DSCAM: variants seen among roughly 807,000 people sequenced by gnomAD.
The protein encoded by DSCAM is DS cell adhesion molecule, also known as cell adhesion molecule DSCAM.
DSCAM carries 47 observed loss-of-function variants against 217.7 expected under a neutral mutation model. That is an observed-to-expected ratio of 0.22 (90% CI 0.17 to 0.28). The LOEUF (loss-of-function observed/expected upper bound fraction) is 0.28. Ranked by LOEUF, DSCAM falls within the 10% of genes least tolerant of loss-of-function variation. DSCAM has a pLI of 1.00. For missense variants in DSCAM, 2,080 were observed against 2,618.3 expected, an observed-to-expected ratio of 0.79 and a Z score of 4.49; for synonymous variants, 1,056 against 1,015.3, an observed-to-expected ratio of 1.04 and a Z score of -0.76.
In DSCAM at chr21:40,782,044, G is replaced by A. The variant is rs558563947; in HGVS notation, c.43+64575C>T. Among the ~76,000 whole-genome samples the A allele has an allele frequency of 1.6e-3, 247 of 150,606 alleles. 1 individual carries two copies. Among genetic ancestry groups the A allele is most frequent in the African/African-American group, 5.5e-3 (227 of 41,136 alleles). ...AAATTAGCCAGGCGCAATGGCGGGC[G>A]CCTGCAGTACCAACTACTCGGGAGG... is the stretch of plus-strand genomic sequence containing the variant. On this transcript the variant is annotated intron_variant, in intron 1 of 32. Transcript: ENST00000400454.
At chr21:40,028,606 G>A (rs551382202) in intron 32 of DSCAM, among the ~76,000 whole-genome samples, 14 of 152,186 alleles carry the variant, frequency 9.2e-5, no homozygotes, top group Non-Finnish European at 1.9e-4. Flanking sequence ...GGAGTGACCC[G>A]ATTTTCCAGG....
intron 10 of DSCAM, among the ~76,000 whole-genome samples, chr21:40,285,081 T>C (rs929929578): frequency 2.6e-5 from 4 of 152,202 alleles, no homozygotes; most frequent in African/African-American, 9.6e-5. Flanking sequence ...CCAGAGGGAA[T>C]TGGCCCTTCA....
At position 40,189,097 on chromosome 21, in the gene DSCAM, G is replaced by GTCCA; in HGVS notation, c.2497_2498insTGGA (p.Ala833ValfsTer38). 6.2e-7 allele frequency: 1 copy of GTCCA among 1,614,118 alleles called. No individual in the cohort carries two copies. The stretch of plus-strand genomic sequence containing the variant: ...CTCCTTGGTGGACACAAGATAACGG[G>GTCCA]CCATCTCAGGGTTAATGATTCGGTC... On this transcript the variant is annotated frameshift_variant, in exon 12 of 33. Transcript: ENST00000400454. LOFTEE classifies it high-confidence loss of function.
intron 3 of DSCAM, among the ~76,000 whole-genome samples, chr21:40,545,377 C>T (rs965461703): frequency 6.6e-6 from 1 of 152,118 alleles, no homozygotes; most frequent in African/African-American, 2.4e-5. Context: ...CATTTCTGCC[C>T]AGACAACCTC....
intron 10 of DSCAM, among the ~76,000 whole-genome samples, chr21:40,288,453 A>C (rs2073853622): frequency 6.6e-6 from 1 of 152,164 alleles, no homozygotes; most frequent in South Asian, 2.1e-4. Context: ...ACAAACAAAA[A>C]TCCATGCAGA....
intron 1 of DSCAM, among the ~76,000 whole-genome samples, chr21:40,765,797 G>A (rs2091382199): frequency 6.6e-6 from 1 of 152,196 alleles, no homozygotes; most frequent in South Asian, 2.1e-4. Context: ...TGCATGATCA[G>A]CGATCAGTGC....
intron 32 of DSCAM, among the ~76,000 whole-genome samples, chr21:40,017,737 A>T (rs1294720998): frequency 6.6e-6 from 1 of 152,104 alleles, no homozygotes; most frequent in Non-Finnish European, 1.5e-5. Flanking sequence ...TTTTTAGTAG[A>T]GACAGGGTTT....
intron 3 of DSCAM, among the ~76,000 whole-genome samples, chr21:40,626,178 A>T (rs1226429427): frequency 6.6e-6 from 1 of 152,138 alleles, no homozygotes; most frequent in Non-Finnish European, 1.5e-5. Context: ...TGGACAGAGG[A>T]GTGTTGCGCA....
At chr21:40,656,725 T>C (rs1391025006) in intron 3 of DSCAM, among the ~76,000 whole-genome samples, 1 of 152,126 alleles carries the variant, frequency 6.6e-6, no homozygotes, top group Non-Finnish European at 1.5e-5. Context: ...GGAGTTTAAT[T>C]ACATACAACA....
intron 3 of DSCAM, among the ~76,000 whole-genome samples, chr21:40,572,552 T>A (rs947588660): frequency 6.6e-6 from 1 of 152,116 alleles, no homozygotes; most frequent in African/African-American, 2.4e-5. Flanking sequence ...GAAAATAAAA[T>A]GTTGAAAACT....
At chr21:40,485,458 G>T (rs1393646297) in intron 3 of DSCAM, among the ~76,000 whole-genome samples, 1 of 151,502 alleles carries the variant, frequency 6.6e-6, no homozygotes, top group Non-Finnish European at 1.5e-5. Context: ...TAGCCAGGAT[G>T]GTCTCCATCT....
intron 11 of DSCAM, among the ~76,000 whole-genome samples, chr21:40,193,407 A>G (rs1343082622): frequency 2.6e-5 from 4 of 152,172 alleles, no homozygotes; most frequent in African/African-American, 9.7e-5. Flanking sequence ...AACAAAAGTA[A>G]CCTAAATTAC....
intron 3 of DSCAM, among the ~76,000 whole-genome samples, chr21:40,549,401 A>G (rs1487485782): frequency 2.0e-5 from 3 of 152,020 alleles, no homozygotes; most frequent in African/African-American, 7.3e-5. Flanking sequence ...ATAAAAAAAA[A>G]CAACAATGCA....
intron 3 of DSCAM, among the ~76,000 whole-genome samples, chr21:40,503,573 C>T (rs1244922389): frequency 6.6e-6 from 1 of 152,188 alleles, no homozygotes; most frequent in Non-Finnish European, 1.5e-5. Flanking sequence ...TGTCAGATGC[C>T]AACTTCACGC....
intron 2 of DSCAM, among the ~76,000 whole-genome samples, chr21:40,695,688 G>C (rs1336224955): frequency 6.6e-6 from 1 of 152,102 alleles, no homozygotes; most frequent in Non-Finnish European, 1.5e-5. Flanking sequence ...GAAAATACTT[G>C]GCACACAAGA....
chr21:40,318,519 G>A (rs1345847173), intron 8 of DSCAM, among the ~76,000 whole-genome samples: 1 of 152,156 alleles, frequency 6.6e-6, no homozygotes, highest in Non-Finnish European at 1.5e-5. Flanking sequence ...TGGGGAGCTT[G>A]AGTCAATATC....
chr21:40,292,185 CTTTTTTTT>C (rs11431306), intron 10 of DSCAM, among the ~76,000 whole-genome samples: 44 of 110,244 alleles, frequency 4.0e-4, no homozygotes, highest in African/African-American at 1.3e-3. Context: ...AATGTAATGA[CTTTTTTTT>C]TTTTTTTTTT....
At chr21:40,589,752 G>A (rs1486471220) in intron 3 of DSCAM, among the ~76,000 whole-genome samples, 1 of 152,182 alleles carries the variant, frequency 6.6e-6, no homozygotes, top group African/African-American at 2.4e-5. Context: ...AATGGAGTTT[G>A]CAATCTAGCA....
Position 40,144,661 on chromosome 21 carries a change from C to G in DSCAM, c.3089G>C (p.Gly1030Ala). ...YQIGYREYST[G>A]GNFQFNIISV... is the part of the protein sequence containing the mutation. ...GATAATGTTGAATTGGAAGTTACCC[C>G]CAGTGCTGTACTCTCGGTAACCTAT... Residue 1030 changes from glycine to alanine, a missense_variant, in exon 17 of 33, where the codon GGG becomes GCG. This residue lies in a region of DSCAM where 1,144 missense variants were observed against 1,421.1 expected (regional missense o/e 0.81). Coordinates refer to ENST00000400454, the MANE Select transcript of DSCAM (RefSeq NM_001389.5). This position sits in a 1 kb window ranked among gnomAD's most constrained non-coding sequence, Gnocchi z 4.8. 1 of 1,614,152 alleles carries G rather than the reference C, an allele frequency of 6.2e-7. No homozygotes were observed. Among genetic ancestry groups the G allele is most frequent in the South Asian group, 1.1e-5 (1 of 91,076 alleles).
Sources: gnomAD v4.1 joint callset for allele counts (sites outside exome capture counted in the v4.1 genomes callset) on GRCh38, gnomAD v4.1.1 for gene constraint, gnomAD v4.1.1 regional missense constraint, Gnocchi (gnomAD v3.1) non-coding constraint, MANE v1.5 for transcripts, NCBI Gene and HGNC (gene_info 2026-07-23, HGNC 2026-07-21) for gene names.